The following MEI4 variants were observed in gnomAD, a reference collection of about 807,000 sequenced individuals.
The protein encoded by MEI4 is meiotic double-stranded break formation protein 4.
Under a neutral mutation model 31.4 loss-of-function variants are expected in MEI4, and 27 were observed. That is an observed-to-expected ratio of 0.86 (90% CI 0.63 to 1.19). The LOEUF is 1.19. Ranked by LOEUF, MEI4 falls within the 50% of genes most tolerant of loss-of-function variation. The probability of loss-of-function intolerance (pLI) is 0.00; values close to 1 mark genes in which losing one functional copy is unlikely to be tolerated. For missense variants in MEI4, 329 were observed against 398.9 expected, an observed-to-expected ratio of 0.82 and a Z score of 1.49; for synonymous variants, 122 against 145.4, an observed-to-expected ratio of 0.84 and a Z score of 1.16.
rs1487018929 is a variant in MEI4, at chr6:77,653,064, T to C, written c.-43T>C. On this transcript the variant is annotated 5_prime_UTR_variant, in exon 1 of 5. Transcript: ENST00000684080. ...GATGAGGCGTTCTCTTGCCCTGTTA[T>C]CATCTCATTTCTGCTTCTCTGTTTA... 6.6e-6 allele frequency among the ~76,000 whole-genome samples: 1 copy of C among 152,226 alleles called. No homozygotes were observed. Among genetic ancestry groups the C allele is most frequent in the African/African-American group, 2.4e-5 (1 of 41,458 alleles).
chr6:77,856,405 C>T (rs1770746118), intron 4 of MEI4, among the ~76,000 whole-genome samples: 1 of 152,154 alleles, frequency 6.6e-6, no homozygotes, highest in African/African-American at 2.4e-5. Context: ...GTCCTACGTT[C>T]TCATAAAGCC....
At chr6:77,798,305 A>G (rs1056587736) in intron 3 of MEI4, among the ~76,000 whole-genome samples, 1 of 151,476 alleles carries the variant, frequency 6.6e-6, no homozygotes. Flanking sequence ...TAACGTATTG[A>G]TTATTATTCA....
intron 4 of MEI4, among the ~76,000 whole-genome samples, chr6:77,854,898 A>C (rs1375929086): frequency 6.6e-6 from 1 of 151,436 alleles, no homozygotes; most frequent in Non-Finnish European, 1.5e-5. Flanking sequence ...CCTGAACTAA[A>C]ATGAAAACCT....
chr6:77,704,319 G>A (rs1382200691), intron 2 of MEI4, among the ~76,000 whole-genome samples: 1 of 151,992 alleles, frequency 6.6e-6, no homozygotes, highest in Non-Finnish European at 1.5e-5. Context: ...AACTGCCTTT[G>A]GGTTTTCATT....
chr6:77,907,669 G>A (rs371873318), intron 4 of MEI4, among the ~76,000 whole-genome samples: 1 of 152,026 alleles, frequency 6.6e-6, no homozygotes, highest in Non-Finnish European at 1.5e-5. Context: ...GGGATGGCTG[G>A]GTCAAATGGT....
At position 77,926,023 on chromosome 6, in the gene MEI4, A is replaced by G; in HGVS notation, c.*2677A>G. 6.6e-6 allele frequency: 1 copy of G among 151,820 alleles called. No homozygotes were observed. Among genetic ancestry groups the G allele is most frequent in the East Asian group, 1.9e-4 (1 of 5,140 alleles). The allele number at this position is 151,820 out of a possible 1,614,324, so 9.4% of individuals were successfully genotyped here. On this transcript the variant is annotated 3_prime_UTR_variant, in exon 5 of 5. Coordinates refer to ENST00000684080, the MANE Select transcript of MEI4 (RefSeq NM_001322247.2). Reference sequence around the variant, plus strand: ...AACTCAGAACTTGCCCAAGTTCACAACACCAGGAAGTGGCAGTTAGGTTTC... The same window carrying G: ...AACTCAGAACTTGCCCAAGTTCACAGCACCAGGAAGTGGCAGTTAGGTTTC...
At chr6:77,814,710 T>C (rs1033757892) in intron 3 of MEI4, among the ~76,000 whole-genome samples, 1 of 152,120 alleles carries the variant, frequency 6.6e-6, no homozygotes, top group Non-Finnish European at 1.5e-5. Context: ...AATACATAAT[T>C]GAATGTTCCC....
At chr6:77,693,355 A>C (rs1293972288) in intron 2 of MEI4, among the ~76,000 whole-genome samples, 1 of 152,024 alleles carries the variant, frequency 6.6e-6, no homozygotes, top group East Asian at 1.9e-4. Context: ...TGACTATCAT[A>C]AGCATCCATG....
At chr6:77,872,755 A>G (rs1771228961) in intron 4 of MEI4, among the ~76,000 whole-genome samples, 1 of 105,842 alleles carries the variant, frequency 9.4e-6, no homozygotes, top group Non-Finnish European at 1.8e-5. Flanking sequence ...AACAGTCCCC[A>G]GAGTGTGATG....
At chr6:77,691,970 TG>T (rs1454431747) in intron 2 of MEI4, among the ~76,000 whole-genome samples, 2 of 152,006 alleles carry the variant, frequency 1.3e-5, no homozygotes, top group East Asian at 3.9e-4. Flanking sequence ...AACTCTTCCC[TG>T]GCTTTTAATT....
intron 2 of MEI4, among the ~76,000 whole-genome samples, chr6:77,751,442 C>T (rs1440163080): frequency 2.6e-5 from 4 of 152,076 alleles, no homozygotes; most frequent in Non-Finnish European, 5.9e-5. Flanking sequence ...GGGGATATCA[C>T]CATGTATCCC....
intron 2 of MEI4, among the ~76,000 whole-genome samples, chr6:77,749,304 G>A (rs1767702562): frequency 6.6e-6 from 1 of 151,912 alleles, no homozygotes; most frequent in African/African-American, 2.4e-5. Context: ...TTCAGAAGGT[G>A]GGTAATAAAC....
intron 2 of MEI4, among the ~76,000 whole-genome samples, chr6:77,731,455 G>A (rs553010857): frequency 0.11 from 16,554 of 144,918 alleles, 699 homozygotes; most frequent in Middle Eastern, 0.17. Context: ...CATGTCCTTT[G>A]CCCACTTTTT....
intron 2 of MEI4, among the ~76,000 whole-genome samples, chr6:77,748,229 C>T (rs111832710): frequency 1.1e-3 from 166 of 152,314 alleles, no homozygotes; most frequent in African/African-American, 2.6e-3. Context: ...GTTTGCCTTC[C>T]ACACTGCCAT....
At chr6:77,763,909 G>A (rs1768103276) in intron 3 of MEI4, among the ~76,000 whole-genome samples, 1 of 152,064 alleles carries the variant, frequency 6.6e-6, no homozygotes, top group African/African-American at 2.4e-5. Flanking sequence ...CACTTCCTGG[G>A]TTCAGGCGAT....
At chr6:77,904,709 G>A (rs1230142714) in intron 4 of MEI4, among the ~76,000 whole-genome samples, 13 of 152,044 alleles carry the variant, frequency 8.6e-5, no homozygotes, top group South Asian at 4.2e-4. Context: ...TCCAGTCCAC[G>A]GTTGATGAGC....
chr6:77,824,551 A>G (rs1413185121), intron 3 of MEI4, among the ~76,000 whole-genome samples: 1 of 152,036 alleles, frequency 6.6e-6, no homozygotes, highest in African/African-American at 2.4e-5. Flanking sequence ...TGCTTAATAA[A>G]TTGTCTTATA....
Position 77,923,597 on chromosome 6 carries a change from T to G in MEI4, c.*251T>G, listed in dbSNP as rs1056275029. 7.8e-6 allele frequency: 2 copies of G among 256,028 alleles called. No individual in the cohort carries two copies. Among genetic ancestry groups the G allele is most frequent in the African/African-American group, 4.4e-5 (2 of 45,294 alleles). The allele number at this position is 256,028 out of a possible 1,614,324, so 15.9% of individuals were successfully genotyped here. ...CCCATGTAACTGTATCTTATTTCACTCAATATAGTTTAGCTCTATTATTCT... is the reference window on the plus strand; with the variant it reads ...CCCATGTAACTGTATCTTATTTCACGCAATATAGTTTAGCTCTATTATTCT... On this transcript the variant is annotated 3_prime_UTR_variant, in exon 5 of 5. Transcript: ENST00000684080.
chr6:77,877,715 C>CTTTT (rs56798153), intron 4 of MEI4, among the ~76,000 whole-genome samples: 11 of 125,898 alleles, frequency 8.7e-5, no homozygotes, highest in African/African-American at 2.1e-4. Context: ...AGCAGTCAGC[C>CTTTT]TTTTTTTTTT....
Sources: gnomAD v4.1 joint callset for allele counts (sites outside exome capture counted in the v4.1 genomes callset) on GRCh38, gnomAD v4.1.1 for gene constraint, MANE v1.5 for transcripts, NCBI Gene and HGNC (gene_info 2026-07-23, HGNC 2026-07-21) for gene names.